Variants in UNC45B observed in about 807,000 individuals in gnomAD.
UNC45B encodes the protein protein unc-45 homolog B.
Under a neutral mutation model 98.7 loss-of-function variants are expected in UNC45B, and 78 were observed. That is an observed-to-expected ratio of 0.79 (90% CI 0.66 to 0.95). UNC45B has a LOEUF of 0.95. Ranked by LOEUF, UNC45B falls within the 40% of genes least tolerant of loss-of-function variation. UNC45B has a pLI of 0.00. For synonymous variants in UNC45B, 462 were observed against 480.4 expected, an observed-to-expected ratio of 0.96 and a Z score of 0.50; for missense variants, 1,225 against 1,184.9, an observed-to-expected ratio of 1.03 and a Z score of -0.50.
intron 17 of UNC45B, among the ~76,000 whole-genome samples, chr17:35,180,170 T>C (rs2092263438): frequency 6.6e-6 from 1 of 152,058 alleles, no homozygotes; most frequent in East Asian, 1.9e-4. Flanking sequence ...CTGTATTGCT[T>C]TAATTCTCAA....
intron 16 of UNC45B, 31 bp downstream of exon 16, chr17:35,177,161 T>C: frequency 2.5e-6 from 4 of 1,581,010 alleles, no homozygotes; most frequent in Non-Finnish European, 3.5e-6. Context: ...GATAGGGCAA[T>C]GGGAGGGGTC....
At chr17:35,173,549 CT>C (rs35739941) in intron 13 of UNC45B, among the ~76,000 whole-genome samples, 2 of 152,206 alleles carry the variant, frequency 1.3e-5, no homozygotes, top group South Asian at 4.1e-4. Flanking sequence ...ATTTTGTTGC[CT>C]TTTTCAGCTT....
At chr17:35,180,743 GC>G in intron 18 of UNC45B, 67 bp downstream of exon 18, 1 of 1,276,502 alleles carries the variant, frequency 7.8e-7, no homozygotes, top group South Asian at 1.2e-5. Context: ...CAGGGTCAGG[GC>G]CTGGGGTGAG....
chr17:35,155,194 G>A, intron 6 of UNC45B, 102 bp from the exon 7 acceptor site: 1 of 1,425,932 alleles, frequency 7.0e-7, no homozygotes, highest in Non-Finnish European at 9.5e-7. Flanking sequence ...TTTCTCTACT[G>A]CATGGGATAG....
In UNC45B at chr17:35,186,775, T is replaced by C; in HGVS notation, c.*216T>C. On this transcript the variant is annotated 3_prime_UTR_variant, in exon 20 of 20. Coordinates refer to ENST00000394570, the MANE Select transcript of UNC45B (RefSeq NM_001267052.2). ...CTCTCTCTCTTGCTTCCTGTCTCCT[T>C]ATATTTGTCATGTTTCAGAAATTCC... The C allele has an allele frequency of 2.2e-6, 1 of 463,604 alleles. No individual in the cohort carries two copies. Among genetic ancestry groups the C allele is most frequent in the Non-Finnish European group, 3.7e-6 (1 of 267,180 alleles). 28.7% of individuals were successfully genotyped at this position (463,604 alleles called of 1,614,324 possible).
intron 14 of UNC45B, 135 bp downstream of exon 14, chr17:35,174,504 G>C (rs1020060499): frequency 1.6e-4 from 201 of 1,285,698 alleles, no homozygotes; most frequent in Admixed American, 1.7e-4. Flanking sequence ...CCTGGAGAAA[G>C]GTCTGAGGGG....
chr17:35,168,590 T>C (rs1020916781), intron 10 of UNC45B, among the ~76,000 whole-genome samples: 10 of 152,224 alleles, frequency 6.6e-5, no homozygotes, highest in African/African-American at 2.4e-4. Context: ...TTCGTCTCCC[T>C]GCTTATGAAC....
chr17:35,165,064 A>C lies in UNC45B; in HGVS notation c.1151+898A>C, dbSNP rs883070. On this transcript the variant is annotated intron_variant, in intron 9 of 19. Coordinates refer to ENST00000394570, the MANE Select transcript of UNC45B (RefSeq NM_001267052.2). ...TAATTTTTGTATTTTTTGTTTTGCT[A>C]TGTTTCCCAGGCTGGTATTGAACTC... 5.5e-3 allele frequency among the ~76,000 whole-genome samples: 843 copies of C among 151,900 alleles called. 10 individuals carry two copies. Among genetic ancestry groups the C allele is most frequent in the African/African-American group, 0.019 (778 of 41,442 alleles).
Position 35,168,688 on chromosome 17 carries a change from A to AT in UNC45B, c.1452+335dup, listed in dbSNP as rs372488373. Among the ~76,000 whole-genome samples, 478 of 151,978 alleles carry AT rather than the reference A, an allele frequency of 3.1e-3. 3 individuals are homozygous for AT. The highest frequency in any genetic ancestry group is 0.011 in the African/African-American group (462 of 41,454). Reference sequence around the variant, plus strand: ...TTTCCTTAATCAGTTTCTATAAGGTATTTTTTTTCCACTTTCATTTTACTT... The same window carrying AT: ...TTTCCTTAATCAGTTTCTATAAGGTATTTTTTTTTCCACTTTCATTTTACTT... On this transcript the variant is annotated intron_variant, in intron 10 of 19. Coordinates refer to ENST00000394570, the MANE Select transcript of UNC45B (RefSeq NM_001267052.2).
chr17:35,155,499 T>A, intron 7 of UNC45B, 35 bp downstream of exon 7: 1 of 1,607,408 alleles, frequency 6.2e-7, no homozygotes, highest in Non-Finnish European at 8.5e-7. Context: ...TTCAAGGGGA[T>A]GGGGAAAGAA....
chr17:35,172,102 T>C (rs556707054), intron 13 of UNC45B, among the ~76,000 whole-genome samples: 1 of 152,314 alleles, frequency 6.6e-6, no homozygotes, highest in East Asian at 1.9e-4. Context: ...CTGTTGGCAT[T>C]TTGATGTTAT....
At chr17:35,174,478 T>A in intron 14 of UNC45B, 109 bp downstream of exon 14, 2 of 1,431,084 alleles carry the variant, frequency 1.4e-6, no homozygotes, top group Non-Finnish European at 9.5e-7. Context: ...AATGAGGAGA[T>A]AAACTATTGG....
At position 35,186,490 on chromosome 17, in the gene UNC45B, A is replaced by G. The variant is rs1369550115; in HGVS notation, c.2721A>G (p.Glu907=). 3.7e-6 allele frequency: 6 copies of G among 1,614,206 alleles called. No individual in the cohort carries two copies. The South Asian group carries it at 4.4e-5, about 12-fold the overall frequency. The change falls in exon 20 of 20, where the codon GAA becomes GAG. Residue 907 remains glutamate, a synonymous_variant. Transcript: ENST00000394570. ...GKQEPDEKKA[E]VVQTARECLI... ...AGGAGCCAGATGAGAAGAAGGCAGA[A>G]GTGGTTCAGACAGCCCGAGAATGTC...
At chr17:35,158,820 G>C (rs2092081525) in intron 7 of UNC45B, among the ~76,000 whole-genome samples, 1 of 152,140 alleles carries the variant, frequency 6.6e-6, no homozygotes, top group South Asian at 2.1e-4. Flanking sequence ...TGGTTTGCCT[G>C]CCTTTGGGCT....
chr17:35,176,469 A>T (rs987782722), intron 15 of UNC45B, among the ~76,000 whole-genome samples: 2 of 152,192 alleles, frequency 1.3e-5, no homozygotes, highest in African/African-American at 2.4e-5. Context: ...TAGGTGCTCA[A>T]TAGATGTCTG....
chr17:35,169,916 CCAAA>C lies in UNC45B; in HGVS notation c.1535_1538del (p.Lys512SerfsTer11), dbSNP rs1205530831. 15 of 1,614,162 alleles carry C rather than the reference CCAAA, an allele frequency of 9.3e-6. No individual in the cohort carries two copies. Among genetic ancestry groups the C allele is most frequent in the African/African-American group, 1.3e-5 (1 of 75,038 alleles). On this transcript the variant is annotated frameshift_variant, in exon 11 of 20. Transcript: ENST00000394570. LOFTEE classifies it high-confidence loss of function. ...GCGGAAGGGTCGACAGAAAAACTGGCCAAACAGTGTCGCAAGTAAGGGGGCTGTG... is the reference window on the plus strand; with the variant it reads ...GCGGAAGGGTCGACAGAAAAACTGGCCAGTGTCGCAAGTAAGGGGGCTGTG...
At chr17:35,155,594 G>T (rs2092054847) in intron 7 of UNC45B, 130 bp downstream of exon 7, 1 of 957,436 alleles carries the variant, frequency 1.0e-6, no homozygotes, top group Non-Finnish European at 1.6e-6. Flanking sequence ...CTCTTTTTTT[G>T]AGATGGGGTC....
chr17:35,152,826 C>T lies in UNC45B; in HGVS notation c.382-67C>T, dbSNP rs894298829. ...GACACCTGATATTTACTGAGATGAACTGAATGTGGAGCTGAAATGACGTGG... is the reference window on the plus strand; with the variant it reads ...GACACCTGATATTTACTGAGATGAATTGAATGTGGAGCTGAAATGACGTGG... On this transcript the variant is annotated intron_variant, in intron 4 of 19. Coordinates refer to ENST00000394570, the MANE Select transcript of UNC45B (RefSeq NM_001267052.2). 74 of 1,194,946 alleles carry T rather than the reference C, an allele frequency of 6.2e-5. 1 individual carries two copies. In the Admixed American group the frequency reaches 1.2e-3, roughly 19 times the overall value. The allele number at this position is 1,194,946 out of a possible 1,614,324, so 74.0% of individuals were successfully genotyped here. A position where few individuals can be genotyped will look rare whatever the true frequency, so the allele number is the denominator to read the frequency against.
chr17:35,185,012 G>A (rs995419488), intron 19 of UNC45B, among the ~76,000 whole-genome samples: 5 of 152,180 alleles, frequency 3.3e-5, no homozygotes, highest in East Asian at 1.9e-4. Context: ...ATCCCAGGGA[G>A]CGATGGGCCC....
Sources: gnomAD v4.1 joint callset for allele counts (sites outside exome capture counted in the v4.1 genomes callset) on GRCh38, gnomAD v4.1.1 for gene constraint, MANE v1.5 for transcripts, NCBI Gene and HGNC (gene_info 2026-07-23, HGNC 2026-07-21) for gene names.